The following SEMA6D variants were observed in gnomAD, a reference collection of about 807,000 sequenced individuals.
The protein encoded by SEMA6D is semaphorin-6D.
Under a neutral mutation model 106.6 loss-of-function variants are expected in SEMA6D, and 35 were observed. The observed-to-expected ratio is 0.33, with a 90% CI of 0.25 to 0.44. The LOEUF (loss-of-function observed/expected upper bound fraction) is 0.44, where lower values mean the gene tolerates loss of function less well. Among genes scored for constraint, SEMA6D ranks in the 20% least tolerant of loss-of-function variants. SEMA6D has a pLI of 1.00. For missense variants in SEMA6D, 1,185 were observed against 1,345.9 expected, an observed-to-expected ratio of 0.88 and a Z score of 1.87; for synonymous variants, 499 against 487.7, an observed-to-expected ratio of 1.02 and a Z score of -0.31.
At chr15:47,722,117 C>A (rs1254878611) in intron 1 of SEMA6D, among the ~76,000 whole-genome samples, 6 of 152,202 alleles carry the variant, frequency 3.9e-5, no homozygotes, top group Admixed American at 3.3e-4. Flanking sequence ...AAAGTCCTTG[C>A]CACCTTGCAA....
rs780291106 is a variant in SEMA6D, at chr15:47,771,682, C to A, written c.3119C>A (p.Thr1040Lys). 4 of 1,614,034 alleles carry A rather than the reference C, an allele frequency of 2.5e-6. No individual in the cohort carries two copies. The highest frequency in any genetic ancestry group is 1.7e-5 in the Admixed American group (1 of 60,024). The change falls in exon 19 of 19, where the codon ACG (threonine) becomes AAG (lysine). Residue 1040 changes from threonine to lysine, a missense_variant. Physicochemically the swap from Thr to Lys is moderately conservative, Grantham distance 78. Around this residue, in one of 3 missense-constraint regions of SEMA6D, gnomAD observed 750 missense variants for 783.5 expected, o/e 0.96. Transcript: ENST00000536845. ...ACCAGTAATGGCACTCTTCCTAGGA[C>A]GGGACTAAAGAGGACGCCGTCCTTA... ...SYTSNGTLPR[T>K]GLKRTPSLKP...
intron 1 of SEMA6D, among the ~76,000 whole-genome samples, chr15:47,735,595 C>T (rs2080397715): frequency 6.6e-6 from 1 of 152,108 alleles, no homozygotes; most frequent in Non-Finnish European, 1.5e-5. Flanking sequence ...ACTGAGATTC[C>T]ACAATCATCA....
In SEMA6D at chr15:47,532,088, G is replaced by A. The variant is rs555519287; in HGVS notation, c.-87+61543G>A. On this transcript the variant is annotated intron_variant, in intron 3 of 19. Coordinates refer to the SEMA6D transcript ENST00000558014. ...GGTATCCAAAGACCTTGACCATGGCGAGATCCTGGAGAACATTCTCAAGCC... is the reference window on the plus strand; with the variant it reads ...GGTATCCAAAGACCTTGACCATGGCAAGATCCTGGAGAACATTCTCAAGCC... 3.9e-5 allele frequency among the ~76,000 whole-genome samples: 6 copies of A among 152,168 alleles called. No individual in the cohort carries two copies. The East Asian group carries it at 9.7e-4, about 24-fold the overall frequency.
At chr15:47,227,964 T>TTA (rs1491448361) in intron 1 of SEMA6D, among the ~76,000 whole-genome samples, 1 of 142,696 alleles carries the variant, frequency 7.0e-6, no homozygotes, top group African/African-American at 2.5e-5. Flanking sequence ...TGTAAGAATC[T>TTA]TATATATATT....
intron 3 of SEMA6D, among the ~76,000 whole-genome samples, chr15:47,486,230 T>C (rs1028675727): frequency 1.3e-5 from 2 of 152,228 alleles, no homozygotes; most frequent in African/African-American, 4.8e-5. Flanking sequence ...TTCCCACTAA[T>C]ATTTTCCATC....
At position 47,596,096 on chromosome 15, in the gene SEMA6D, G is replaced by T. The variant is rs187644941; in HGVS notation, c.-86-4769G>T. ...ACTGAAAAACAAATACAGTAAAGTTGCAGGATACAAAATCAACAAACAAAA... is the reference window on the plus strand; with the variant it reads ...ACTGAAAAACAAATACAGTAAAGTTTCAGGATACAAAATCAACAAACAAAA... On this transcript the variant is annotated intron_variant, in intron 3 of 19. Coordinates refer to the SEMA6D transcript ENST00000558014. Among the ~76,000 whole-genome samples the T allele has an allele frequency of 1.4e-4, 22 of 152,068 alleles. No homozygotes were observed. In the East Asian group the frequency reaches 4.3e-3, roughly 29 times the overall value.
rs536394521 is a variant in SEMA6D at position 47,559,404 on chromosome 15, A to G, written c.-86-41461A>G. On this transcript the variant is annotated intron_variant, in intron 3 of 19. Transcript: ENST00000558014. ...ATACTGAGCTTCAGGTCAGAAGAAT[A>G]TAAGTTTGTGGTTTTCATGCCAGTG... 7.9e-4 allele frequency among the ~76,000 whole-genome samples: 120 copies of G among 152,214 alleles called. 2 individuals are homozygous for G. The South Asian group carries it at 0.019, about 24-fold the overall frequency.
intron 1 of SEMA6D, among the ~76,000 whole-genome samples, chr15:47,323,182 C>T (rs1253239014): frequency 6.6e-6 from 1 of 152,140 alleles, no homozygotes; most frequent in Admixed American, 6.5e-5. Context: ...GCGGCTTCTT[C>T]TCTCCTGTTG....
intron 3 of SEMA6D, among the ~76,000 whole-genome samples, chr15:47,550,350 A>T (rs144641014): frequency 6.9e-4 from 105 of 152,300 alleles, no homozygotes; most frequent in African/African-American, 2.5e-3. Flanking sequence ...AGAAATAACA[A>T]GGAAGAGGGG....
chr15:47,734,597 C>A (rs2080337834), intron 1 of SEMA6D, among the ~76,000 whole-genome samples: 1 of 152,186 alleles, frequency 6.6e-6, no homozygotes, highest in Admixed American at 6.5e-5. Context: ...TCTTGAGTTT[C>A]CACTGTGTCA....
intron 4 of SEMA6D, among the ~76,000 whole-genome samples, chr15:47,663,033 T>A (rs551987492): frequency 2.4e-4 from 37 of 152,196 alleles, no homozygotes; most frequent in Non-Finnish European, 4.7e-4. Context: ...TGAAACCATA[T>A]GCCAGAAGGC....
At chr15:47,603,074 T>G (rs1259256038) in intron 4 of SEMA6D, among the ~76,000 whole-genome samples, 1 of 152,178 alleles carries the variant, frequency 6.6e-6, no homozygotes, top group Non-Finnish European at 1.5e-5. Context: ...GGCGTATGCT[T>G]TCATTGGATG....
intron 1 of SEMA6D, among the ~76,000 whole-genome samples, chr15:47,260,693 G>T (rs1468522487): frequency 1.3e-5 from 2 of 152,132 alleles, no homozygotes; most frequent in Non-Finnish European, 2.9e-5. Flanking sequence ...TTGTGGAAAC[G>T]TCTGTCTTGC....
intron 3 of SEMA6D, among the ~76,000 whole-genome samples, chr15:47,596,145 A>G (rs1452772322): frequency 6.6e-6 from 1 of 152,090 alleles, no homozygotes; most frequent in Admixed American, 6.5e-5. Flanking sequence ...CTATACACTA[A>G]CAACAAATTA....
chr15:47,187,896 T>C (rs1231038137), intron 1 of SEMA6D, among the ~76,000 whole-genome samples: 2 of 152,148 alleles, frequency 1.3e-5, no homozygotes, highest in East Asian at 3.9e-4. Context: ...GCAAGTTTCA[T>C]TTAATAAAAT....
Position 47,764,203 on chromosome 15 carries a change from G to A in SEMA6D, c.995G>A (p.Ser332Asn). 2 of 1,613,762 alleles carry A rather than the reference G, an allele frequency of 1.2e-6. No homozygotes were observed. The highest frequency in any genetic ancestry group is 1.7e-6 in the Non-Finnish European group (2 of 1,179,798). ...SIPGSAVCAF[S>N]MDDIEKVFKG... Reference sequence around the variant, plus strand: ...CCTGGTTCTGCTGTCTGTGCATTTAGCATGGATGACATTGAAAAAGTATTC... The same window carrying A: ...CCTGGTTCTGCTGTCTGTGCATTTAACATGGATGACATTGAAAAAGTATTC... The change falls in exon 11 of 19, where the codon AGC (serine) becomes AAC (asparagine). Residue 332 changes from serine to asparagine, a missense_variant. Physicochemically the swap from Ser to Asn is conservative, Grantham distance 46 (BLOSUM62 1). This residue lies in a region of SEMA6D where 291 missense variants were observed against 423.8 expected (regional missense o/e 0.69). Coordinates refer to ENST00000536845, the MANE Select transcript of SEMA6D (RefSeq NM_001358351.3).
intron 1 of SEMA6D, among the ~76,000 whole-genome samples, chr15:47,405,639 G>C: frequency 6.6e-6 from 1 of 152,122 alleles, no homozygotes. Context: ...TTTGTTTTCT[G>C]CTTCTCGTGT....
intron 1 of SEMA6D, among the ~76,000 whole-genome samples, chr15:47,270,411 C>T (rs1214723507): frequency 6.6e-6 from 1 of 151,828 alleles, no homozygotes; most frequent in African/African-American, 2.4e-5. Flanking sequence ...TACCATCTGA[C>T]AATTAAAATA....
chr15:47,373,557 A>G, intron 1 of SEMA6D, among the ~76,000 whole-genome samples: 1 of 152,124 alleles, frequency 6.6e-6, no homozygotes, highest in South Asian at 2.1e-4. Context: ...AAAGGGAAAA[A>G]ACAGTGTTCC....
Sources: gnomAD v4.1 joint callset for allele counts (sites outside exome capture counted in the v4.1 genomes callset) on GRCh38, gnomAD v4.1.1 for gene constraint, gnomAD v4.1.1 regional missense constraint, MANE v1.5 for transcripts, NCBI Gene and HGNC (gene_info 2026-07-23, HGNC 2026-07-21) for gene names.